The following AGBL4 variants were observed in gnomAD, a reference collection of about 807,000 sequenced individuals.
The protein encoded by AGBL4 is cytosolic carboxypeptidase 6.
A neutral mutation model predicts 66.4 loss-of-function variants in AGBL4; 58 were observed. The ratio of observed to expected loss-of-function variants is 0.87; its 90% confidence interval spans 0.71 to 1.09. AGBL4 has a LOEUF of 1.09. Among genes scored for constraint, AGBL4 ranks in the 50% least tolerant of loss-of-function variants. The pLI is 0.00. For synonymous variants in AGBL4, 234 were observed against 222.9 expected (o/e 1.05, Z -0.44); for missense variants, 579 against 631.0 (o/e 0.92, Z 0.88).
At chr1:49,455,748 C>T (rs1646373911) in intron 3 of AGBL4, among the ~76,000 whole-genome samples, 1 of 151,568 alleles carries the variant, frequency 6.6e-6, no homozygotes. Flanking sequence ...CTCTTATATT[C>T]TTATCTGCCA....
chr1:49,833,469 G>T (rs1303253910), intron 2 of AGBL4, among the ~76,000 whole-genome samples: 1 of 152,080 alleles, frequency 6.6e-6, no homozygotes, highest in Non-Finnish European at 1.5e-5. Context: ...TTGACTTGGC[G>T]ATGCGGGCTC....
chr1:49,425,538 A>C (rs1339842060), intron 3 of AGBL4, among the ~76,000 whole-genome samples: 2 of 152,226 alleles, frequency 1.3e-5, no homozygotes, highest in Non-Finnish European at 2.9e-5. Context: ...ATTCTAGCTC[A>C]ATACTAGCTT....
chr1:49,860,775 AAAAAC>A (rs1389839554), intron 1 of AGBL4, among the ~76,000 whole-genome samples: 137 of 136,524 alleles, frequency 1.0e-3, no homozygotes, highest in African/African-American at 3.4e-3. Flanking sequence ...CAGCAAAAAA[AAAAAC>A]AAAAAACAAA....
At position 49,567,769 on chromosome 1, in the gene AGBL4, G is replaced by T. The variant is rs113001098; in HGVS notation, c.282+129544C>A. 2.0e-3 allele frequency among the ~76,000 whole-genome samples: 299 copies of T among 152,164 alleles called. 4 individuals carry two copies. The highest frequency in any genetic ancestry group is 6.7e-3 in the African/African-American group (280 of 41,514). On this transcript the variant is annotated intron_variant, in intron 3 of 13. Coordinates refer to ENST00000371839, the MANE Select transcript of AGBL4 (RefSeq NM_032785.4). ...CATGCTGATACCCAAACTTGGAAAA[G>T]ACACAGCAAAAGAAGAAAACTTCAG...
At chr1:49,945,812 A>G (rs1403522570) in intron 1 of AGBL4, among the ~76,000 whole-genome samples, 1 of 152,070 alleles carries the variant, frequency 6.6e-6, no homozygotes, top group Admixed American at 6.6e-5. Context: ...TGCTGCCTTC[A>G]AGAGACTCAA....
intron 2 of AGBL4, among the ~76,000 whole-genome samples, chr1:49,783,064 G>T (rs1644373921): frequency 6.6e-6 from 1 of 151,562 alleles, no homozygotes; most frequent in Non-Finnish European, 1.5e-5. Flanking sequence ...ATGGGCCCTT[G>T]CCAGACACTG....
intron 5 of AGBL4, among the ~76,000 whole-genome samples, chr1:48,953,481 G>A (rs770417508): frequency 7.2e-5 from 11 of 152,170 alleles, no homozygotes; most frequent in Non-Finnish European, 8.8e-5. Flanking sequence ...ACACATCTGT[G>A]CTCTAGCTGC....
intron 1 of AGBL4, among the ~76,000 whole-genome samples, chr1:49,950,196 A>G (rs891902275): frequency 1.4e-5 from 2 of 148,066 alleles, no homozygotes; most frequent in African/African-American, 2.5e-5. Context: ...ACACATATGT[A>G]TATATATATG....
intron 1 of AGBL4, among the ~76,000 whole-genome samples, chr1:49,986,156 AC>A (rs1659488351): frequency 6.6e-6 from 1 of 152,096 alleles, no homozygotes. Flanking sequence ...CATTTATATA[AC>A]AATCACCCAC....
chr1:49,406,936 G>A (rs1009987129), intron 3 of AGBL4, among the ~76,000 whole-genome samples: 3 of 151,508 alleles, frequency 2.0e-5, no homozygotes, highest in Non-Finnish European at 2.9e-5. Context: ...GTGGTGGCGG[G>A]CGCCTGTAGT....
intron 6 of AGBL4, among the ~76,000 whole-genome samples, chr1:48,710,122 C>A (rs752052878): frequency 7.2e-5 from 11 of 152,156 alleles, no homozygotes; most frequent in Non-Finnish European, 1.6e-4. Context: ...TGAACTTTCA[C>A]TGTCACCACA....
chr1:49,327,518 C>T (rs1362678733), intron 3 of AGBL4, among the ~76,000 whole-genome samples: 2 of 152,152 alleles, frequency 1.3e-5, no homozygotes, highest in South Asian at 4.1e-4. Flanking sequence ...ATCAAGGCCC[C>T]AACAAGAATG....
At chr1:49,559,030 G>C (rs905076536) in intron 3 of AGBL4, among the ~76,000 whole-genome samples, 1 of 152,142 alleles carries the variant, frequency 6.6e-6, no homozygotes, top group Non-Finnish European at 1.5e-5. Flanking sequence ...CTGAAGGGAA[G>C]AACCATGGCC....
chr1:49,852,597 C>G (rs1646332090), intron 1 of AGBL4, among the ~76,000 whole-genome samples: 1 of 151,952 alleles, frequency 6.6e-6, no homozygotes, highest in Non-Finnish European at 1.5e-5. Context: ...CCTTACACGA[C>G]TAGGGGAGAA....
chr1:49,006,529 C>G (rs1235013214), intron 5 of AGBL4, among the ~76,000 whole-genome samples: 5 of 152,220 alleles, frequency 3.3e-5, no homozygotes, highest in South Asian at 2.1e-4. Flanking sequence ...CCCACCACAG[C>G]TCAAGGAGGC....
At chr1:48,525,874 G>A in the AGBL4 span, among the ~76,000 whole-genome samples, 1 of 152,160 alleles carries the variant, frequency 6.6e-6, no homozygotes, top group African/African-American at 2.4e-5. Context: ...TCTAGTTAGT[G>A]ACATAGCACC....
chr1:48,782,174 G>T (rs1450376213), intron 6 of AGBL4, among the ~76,000 whole-genome samples: 5 of 152,206 alleles, frequency 3.3e-5, no homozygotes, highest in African/African-American at 4.8e-5. Flanking sequence ...CTGCGAAGAC[G>T]CTGACTGTCC....
At chr1:49,008,802 A>T (rs961595746) in intron 5 of AGBL4, among the ~76,000 whole-genome samples, 2 of 151,206 alleles carry the variant, frequency 1.3e-5, no homozygotes, top group Non-Finnish European at 2.9e-5. Flanking sequence ...AAATGAAGGC[A>T]GAAATAAAGA....
chr1:49,222,193 T>C (rs1649550489), intron 4 of AGBL4, among the ~76,000 whole-genome samples: 1 of 152,126 alleles, frequency 6.6e-6, no homozygotes, highest in Admixed American at 6.6e-5. Context: ...GTATGTACTA[T>C]AATTTTATGC....
Sources: gnomAD v4.1 joint callset for allele counts (sites outside exome capture counted in the v4.1 genomes callset) on GRCh38, gnomAD v4.1.1 for gene constraint, MANE v1.5 for transcripts, NCBI Gene and HGNC (gene_info 2026-07-23, HGNC 2026-07-21) for gene names.